KMT2E: variants seen among roughly 807,000 people sequenced by gnomAD.
KMT2E encodes histone reader KMT2E.
Under a neutral mutation model 184.6 loss-of-function variants are expected in KMT2E, and 30 were observed. That is an observed-to-expected ratio of 0.16 (90% confidence interval 0.12 to 0.22). The LOEUF (loss-of-function observed/expected upper bound fraction) is 0.22. Among genes scored for constraint, KMT2E ranks in the 10% least tolerant of loss-of-function variants. The pLI is 1.00. For synonymous variants in KMT2E, 815 were observed against 776.5 expected, an observed-to-expected ratio of 1.05 and a Z score of -0.82; for missense variants, 2,023 against 2,237.4, an observed-to-expected ratio of 0.90 and a Z score of 1.93.
chr7:105,045,941 A>G (rs1213283440), intron 3 of KMT2E, among the ~76,000 whole-genome samples: 1 of 151,838 alleles, frequency 6.6e-6, no homozygotes, highest in African/African-American at 2.4e-5. Flanking sequence ...TTTCTTAAAT[A>G]TTTGTGTTTT....
chr7:105,059,701 T>A (rs1311588529), intron 3 of KMT2E, among the ~76,000 whole-genome samples: 1 of 152,048 alleles, frequency 6.6e-6, no homozygotes, highest in Non-Finnish European at 1.5e-5. Context: ...AAAAAGTAAA[T>A]CATGAATACA....
At chr7:105,047,273 G>A (rs922920348) in intron 3 of KMT2E, among the ~76,000 whole-genome samples, 3 of 152,226 alleles carry the variant, frequency 2.0e-5, no homozygotes, top group Admixed American at 2.0e-4. Context: ...AAACCATATT[G>A]TTTGTATAAA....
In KMT2E at chr7:105,067,056, CTT is replaced by C. The variant is rs1394127003; in HGVS notation, c.497+258_497+259del. 8.0e-3 allele frequency among the ~76,000 whole-genome samples: 382 copies of C among 47,510 alleles called. 13 individuals are homozygous for C. In the East Asian group the frequency reaches 0.12, roughly 15 times the overall value. 31.2% of individuals were successfully genotyped at this position (47,510 alleles called of 152,430 possible). A position where few individuals can be genotyped will look rare whatever the true frequency, so the allele number is the denominator to read the frequency against. On this transcript the variant is annotated intron_variant, in intron 6 of 26. Transcript: ENST00000311117. ...TGGGTGACAGAGCAAAACCCAGTCT[CTT>C]TTTTTTTTAAAAAAAAAAAAAAAAA...
chr7:105,091,200 C>A lies in KMT2E; in HGVS notation c.1624-16C>A. On this transcript the variant is annotated splice_polypyrimidine_tract_variant and intron_variant, in intron 14 of 26. Coordinates refer to ENST00000311117, the MANE Select transcript of KMT2E (RefSeq NM_182931.3). ...GGAATAATAGTTTGTATAAAGAAGTCATTTCCATTTTTCAGGAACCAGATT... is the reference window on the plus strand; with the variant it reads ...GGAATAATAGTTTGTATAAAGAAGTAATTTCCATTTTTCAGGAACCAGATT... The A allele has an allele frequency of 8.5e-7, 1 of 1,181,542 alleles. No individual in the cohort carries two copies. Among genetic ancestry groups the A allele is most frequent in the South Asian group, 1.2e-5 (1 of 80,514 alleles). 73.2% of individuals were successfully genotyped at this position (1,181,542 alleles called of 1,614,324 possible).
At chr7:105,018,056 T>C (rs1362713849) in intron 1 of KMT2E, among the ~76,000 whole-genome samples, 3 of 152,180 alleles carry the variant, frequency 2.0e-5, no homozygotes, top group Non-Finnish European at 2.9e-5. Flanking sequence ...CCTCAGTACA[T>C]ATCTTAGTGG....
At chr7:105,054,502 A>G (rs369847640) in intron 3 of KMT2E, among the ~76,000 whole-genome samples, 82 of 136,566 alleles carry the variant, frequency 6.0e-4, no homozygotes, top group Middle Eastern at 3.6e-3. Context: ...CTATCTATCT[A>G]TCTATCTATC....
Position 105,045,429 on chromosome 7 carries a change from C to T in KMT2E, c.71+4406C>T, listed in dbSNP as rs543276319. On this transcript the variant is annotated intron_variant, in intron 3 of 26. Transcript: ENST00000311117. ...ACTTTATCATCCCAAATAGAAACTC[C>T]GCATTCACTAAATAACTCCTTCTTT... 2.4e-4 allele frequency among the ~76,000 whole-genome samples: 37 copies of T among 152,308 alleles called. No individual in the cohort carries two copies. The South Asian group carries it at 6.4e-3, about 26-fold the overall frequency.
chr7:105,104,356 C>T (rs754589394), intron 17 of KMT2E: 1 of 151,980 alleles, frequency 6.6e-6, no homozygotes, highest in Non-Finnish European at 1.5e-5. Flanking sequence ...ATTCCAAACC[C>T]CTTATATCAG....
intron 3 of KMT2E, among the ~76,000 whole-genome samples, chr7:105,050,639 TTTTCTTTTTTCTTTCTTTC>T (rs941949004): frequency 1.2e-4 from 10 of 86,360 alleles, no homozygotes; most frequent in Middle Eastern, 6.4e-3. Context: ...TTCTTTTCTC[TTTTCTTTTTTCTTTCTTTC>T]TTTCTTTTTT....
chr7:105,062,084 G>A, intron 3 of KMT2E, 80 bp from the exon 4 acceptor site: 1 of 892,072 alleles, frequency 1.1e-6, no homozygotes. Context: ...TTTGCTGTAA[G>A]TACTTTATCA....
intron 13 of KMT2E, among the ~76,000 whole-genome samples, chr7:105,086,207 C>T (rs1219239756): frequency 6.6e-6 from 1 of 152,060 alleles, no homozygotes; most frequent in East Asian, 1.9e-4. Context: ...CAAAAGAATG[C>T]TCCTAGGGCT....
At chr7:105,078,760 G>C in intron 11 of KMT2E, 86 bp from the exon 12 acceptor site, 2 of 537,570 alleles carry the variant, frequency 3.7e-6, no homozygotes, top group South Asian at 3.5e-5. Context: ...CACCTGCCTC[G>C]GCCTCCCAAA....
Position 105,112,340 on chromosome 7 carries a change from A to G in KMT2E, c.4584A>G (p.Ser1528=), listed in dbSNP as rs200809872. 2 of 1,613,548 alleles carry G rather than the reference A, an allele frequency of 1.2e-6. No homozygotes were observed. The highest frequency in any genetic ancestry group is 8.5e-7 in the Non-Finnish European group (1 of 1,180,038). Residue 1528 remains serine (S), a synonymous_variant, in exon 27 of 27, where the codon TCA becomes TCG. Coordinates refer to ENST00000311117, the MANE Select transcript of KMT2E (RefSeq NM_182931.3). The stretch of plus-strand genomic sequence containing the variant: ...CACAGACACCCTCAGGACAATCTTC[A>G]GCAACATACAGTCAGTTTAACCAAC... ...LFTQTPSGQS[S]ATYSQFNQQS... is the part of the protein sequence containing the mutation.
intron 2 of KMT2E, among the ~76,000 whole-genome samples, 173 bp from the exon 3 acceptor site, chr7:105,040,666 A>C (rs1795841416): frequency 6.6e-6 from 1 of 152,214 alleles, no homozygotes. Flanking sequence ...TGTGATTTAG[A>C]AACTTTTCTT....
In KMT2E at chr7:105,112,560, C is replaced by T. The variant is rs1184399197; in HGVS notation, c.4804C>T (p.His1602Tyr). 6.2e-7 allele frequency: 1 copy of T among 1,613,940 alleles called. No individual in the cohort carries two copies. Among genetic ancestry groups the T allele is most frequent in the Non-Finnish European group, 8.5e-7 (1 of 1,180,008 alleles). ...CACAAGCCAGCAAACAGTTCCAGGA[C>T]ACCACGTGACTCCAGGGCATTTTTT... is the stretch of plus-strand genomic sequence containing the variant. Reference protein sequence around the residue: ...GTTSQQTVPGHHVTPGHFLPS... With the variant: ...GTTSQQTVPGYHVTPGHFLPS... The change falls in exon 27 of 27, where the codon CAC becomes TAC. Residue 1602 changes from histidine to tyrosine, a missense_variant. His to Tyr is a moderately conservative substitution (Grantham distance 83, BLOSUM62 2). Around this residue, in one of 8 missense-constraint regions of KMT2E, gnomAD observed 1,108 missense variants for 1,050.9 expected, o/e 1.05. Transcript: ENST00000311117.
chr7:105,106,443 C>T (rs1798901136), intron 19 of KMT2E, 79 bp from the exon 20 acceptor site: 5 of 1,318,486 alleles, frequency 3.8e-6, no homozygotes, highest in Non-Finnish European at 5.4e-6. Flanking sequence ...TATATTTTAT[C>T]TTTCCCAGAA....
At chr7:105,027,574 A>G (rs1314543416) in intron 1 of KMT2E, among the ~76,000 whole-genome samples, 4 of 152,194 alleles carry the variant, frequency 2.6e-5, no homozygotes, top group Non-Finnish European at 4.4e-5. Context: ...ATGTGGATCT[A>G]TTAATTCCAT....
rs1378547937 is a variant in KMT2E, at chr7:105,111,971, A to G, written c.4215A>G (p.Ser1405=). 10 of 1,614,066 alleles carry G rather than the reference A, an allele frequency of 6.2e-6. No homozygotes were observed. The highest frequency in any genetic ancestry group is 1.1e-5 in the South Asian group (1 of 91,088). ...LKTELQQKQL[S]NNNQALSKNH... The stretch of plus-strand genomic sequence containing the variant: ...CAGAGCTCCAACAAAAACAGCTATC[A>G]AATAACAACCAAGCACTTTCAAAGA... Residue 1405 remains serine (S), a synonymous_variant, in exon 27 of 27, where the codon TCA becomes TCG. Coordinates refer to ENST00000311117, the MANE Select transcript of KMT2E (RefSeq NM_182931.3).
rs1799353520 is a variant in KMT2E, at chr7:105,112,550, A to G, written c.4794A>G (p.Thr1598=). ...QALPGTTSQQ[T]VPGHHVTPGH... is the part of the protein sequence containing the mutation. ...TTCCTGGCACCACAAGCCAGCAAAC[A>G]GTTCCAGGACACCACGTGACTCCAG... is the stretch of plus-strand genomic sequence containing the variant. Residue 1598 remains threonine (T), a synonymous_variant, in exon 27 of 27, where the codon ACA becomes ACG. Coordinates refer to ENST00000311117, the MANE Select transcript of KMT2E (RefSeq NM_182931.3). The G allele has an allele frequency of 1.2e-6, 2 of 1,614,014 alleles. No individual in the cohort carries two copies. The highest frequency in any genetic ancestry group is 1.3e-5 in the African/African-American group (1 of 74,880).
Sources: allele counts gnomAD v4.1 joint callset (sites outside exome capture counted in the v4.1 genomes callset), GRCh38; gene constraint gnomAD v4.1.1; regional missense constraint gnomAD v4.1.1; transcripts MANE v1.5; gene names NCBI Gene and HGNC (gene_info 2026-07-23, HGNC 2026-07-21).